HECTD4: variants seen among roughly 807,000 people sequenced by gnomAD.
HECTD4 encodes the protein probable E3 ubiquitin-protein ligase HECTD4.
Under a neutral mutation model 471.5 loss-of-function variants are expected in HECTD4, and 114 were observed. The observed-to-expected ratio is 0.24, with a 90% CI of 0.21 to 0.28. The LOEUF (loss-of-function observed/expected upper bound fraction) is 0.28, where lower values mean the gene tolerates loss of function less well. HECTD4 is among the 10% of genes least tolerant of loss of function. HECTD4 has a pLI of 1.00. For synonymous variants in HECTD4, 2,012 were observed against 2,256.0 expected, an observed-to-expected ratio of 0.89 and a Z score of 3.07; for missense variants, 3,866 against 5,651.5, an observed-to-expected ratio of 0.68 and a Z score of 10.13.
chr12:112,232,546 G>A (rs1317981050), intron 38 of HECTD4, among the ~76,000 whole-genome samples: 2 of 152,062 alleles, frequency 1.3e-5, no homozygotes, highest in East Asian at 3.8e-4. Flanking sequence ...AATCTTTCTT[G>A]ACTTGTCTGA....
intron 16 of HECTD4, among the ~76,000 whole-genome samples, 197 bp from the exon 17 acceptor site, chr12:112,264,409 C>T (rs1304679193): frequency 3.3e-5 from 5 of 152,116 alleles, no homozygotes; most frequent in Admixed American, 3.3e-4. Flanking sequence ...AACTTTCTGC[C>T]TTTTGGTACA....
intron 65 of HECTD4, 43 bp from the exon 66 acceptor site, chr12:112,175,902 G>A (rs766293327): frequency 6.2e-6 from 10 of 1,606,682 alleles, no homozygotes; most frequent in Middle Eastern, 2.1e-4. Flanking sequence ...TGAGACCTGC[G>A]CACATCGCGC....
intron 50 of HECTD4, 71 bp downstream of exon 50, chr12:112,209,944 G>A (rs777389710): frequency 2.1e-4 from 271 of 1,276,974 alleles, no homozygotes; most frequent in Non-Finnish European, 2.9e-4. Flanking sequence ...AAGTGCAATG[G>A]GTTTATGGAA....
intron 52 of HECTD4, among the ~76,000 whole-genome samples, chr12:112,207,122 GTATGTATGTA>G (rs2032613171): frequency 7.0e-6 from 1 of 142,744 alleles, no homozygotes; most frequent in Admixed American, 6.7e-5. Flanking sequence ...GTGTGTGTAT[GTATGTATGTA>G]TGTATGTATG....
rs918905625 is a variant in HECTD4 at position 112,194,426 on chromosome 12, C to G, written c.8749+459G>C. On this transcript the variant is annotated intron_variant, in intron 56 of 75. Coordinates refer to ENST00000682272, the MANE Select transcript of HECTD4 (RefSeq NM_001388303.1). This position sits in a 1 kb window ranked among gnomAD's most constrained non-coding sequence, Gnocchi z 4.6. Reference sequence around the variant, plus strand: ...ATAGTGCTGAGGGCAGACTCATCACCTGGCATTCACTGGGGATCAGACACA... The same window carrying G: ...ATAGTGCTGAGGGCAGACTCATCACGTGGCATTCACTGGGGATCAGACACA... Among the ~76,000 whole-genome samples, 4 of 152,210 alleles carry G rather than the reference C, an allele frequency of 2.6e-5. No homozygotes were observed. Among genetic ancestry groups the G allele is most frequent in the Non-Finnish European group, 4.4e-5 (3 of 68,028 alleles).
At chr12:112,167,744 G>T in intron 71 of HECTD4, 70 bp downstream of exon 71, 1 of 1,371,196 alleles carries the variant, frequency 7.3e-7, no homozygotes, top group Non-Finnish European at 1.0e-6. Context: ...GACACACACT[G>T]CCCGCCACCC....
chr12:112,325,270 TATA>T (rs1223139380), intron 1 of HECTD4, among the ~76,000 whole-genome samples: 1 of 152,220 alleles, frequency 6.6e-6, no homozygotes, highest in Non-Finnish European at 1.5e-5. Context: ...TGAGTTATAA[TATA>T]ATTAACCAAA....
At position 112,270,466 on chromosome 12, in the gene HECTD4, G is replaced by C. The variant is rs950948505; in HGVS notation, c.1943-7C>G. ...TTCGTGGTTATAGCCTCTTCTAGAA[G>C]ATGAAAAGGAAACTGAGTGAGGAAA... On this transcript the variant is annotated splice_region_variant and splice_polypyrimidine_tract_variant and intron_variant, in intron 11 of 75. Coordinates refer to ENST00000682272, the MANE Select transcript of HECTD4 (RefSeq NM_001388303.1). 25 of 1,609,684 alleles carry C rather than the reference G, an allele frequency of 1.6e-5. No individual in the cohort carries two copies. The highest frequency in any genetic ancestry group is 5.0e-5 in the Admixed American group (3 of 59,996).
chr12:112,282,141 T>C (rs982474926), intron 8 of HECTD4, among the ~76,000 whole-genome samples: 1 of 152,108 alleles, frequency 6.6e-6, no homozygotes, highest in African/African-American at 2.4e-5. Flanking sequence ...CCCAGCACTT[T>C]GGGAGGCCAA....
intron 1 of HECTD4, among the ~76,000 whole-genome samples, chr12:112,324,785 G>A (rs2035707415): frequency 1.3e-5 from 2 of 151,972 alleles, no homozygotes; most frequent in Non-Finnish European, 2.9e-5. Context: ...TTTTAACTTT[G>A]ATCATCTTCC....
rs750754319 is a variant in HECTD4, at chr12:112,163,166, C to T, written c.12996G>A (p.Lys4332=). Residue 4332 remains lysine, a synonymous_variant, in exon 75 of 76, where the codon AAG becomes AAA. Transcript: ENST00000682272. This position sits in a 1 kb window ranked among gnomAD's most constrained non-coding sequence, Gnocchi z 8.2. ...LEMFTQEELC[K]FIKFACNQER... ...CCTGGTTGCAGGCAAACTTGATGAA[C>T]TTGCACAGCTCCTCCTGGGTGAACA... The T allele has an allele frequency of 6.2e-7, 1 of 1,614,002 alleles. No individual in the cohort carries two copies. The highest frequency in any genetic ancestry group is 1.3e-5 in the African/African-American group (1 of 75,036).
intron 65 of HECTD4, among the ~76,000 whole-genome samples, 166 bp from the exon 66 acceptor site, chr12:112,176,025 C>A (rs533208046): frequency 1.3e-5 from 2 of 152,372 alleles, no homozygotes; most frequent in South Asian, 4.1e-4. Flanking sequence ...TGACCCACTG[C>A]GCACAGGATA....
At chr12:112,175,642 C>T in intron 66 of HECTD4, 94 bp downstream of exon 66, 1 of 1,405,206 alleles carries the variant, frequency 7.1e-7, no homozygotes, top group Non-Finnish European at 9.8e-7. Context: ...GCATTATCAA[C>T]AGGGGAGACG....
At position 112,175,878 on chromosome 12, in the gene HECTD4, T is replaced by C. The variant is rs768652303; in HGVS notation, c.11471-19A>G. ...TCAGGGACTGGTGGAAAGGGTTCAG[T>C]GTGAGGAATCTGGTGAGACCTGCGC... On this transcript the variant is annotated intron_variant, in intron 65 of 75. Transcript: ENST00000682272. 1 of 1,612,484 alleles carries C rather than the reference T, an allele frequency of 6.2e-7. No homozygotes were observed. Among genetic ancestry groups the C allele is most frequent in the Non-Finnish European group, 8.5e-7 (1 of 1,179,500 alleles).
intron 1 of HECTD4, among the ~76,000 whole-genome samples, chr12:112,354,061 A>G (rs981206832): frequency 1.3e-5 from 2 of 151,824 alleles, no homozygotes; most frequent in Non-Finnish European, 2.9e-5. Context: ...TAATAATAAT[A>G]GATTTTTATT....
chr12:112,380,438 C>T (rs1237537916), intron 1 of HECTD4, among the ~76,000 whole-genome samples: 1 of 151,884 alleles, frequency 6.6e-6, no homozygotes, highest in Admixed American at 6.6e-5. Flanking sequence ...GAGCAAGACT[C>T]GGTCTCGGGG....
At chr12:112,279,722 T>C (rs2034594979) in intron 8 of HECTD4, among the ~76,000 whole-genome samples, 1 of 152,172 alleles carries the variant, frequency 6.6e-6, no homozygotes. Context: ...AGAATCCTAG[T>C]ATTTGTTTGT....
At chr12:112,205,572 G>A (rs1194363343) in intron 52 of HECTD4, among the ~76,000 whole-genome samples, 1 of 152,086 alleles carries the variant, frequency 6.6e-6, no homozygotes, top group Admixed American at 6.6e-5. Context: ...GAAGAAGAAA[G>A]TGAGGGTAAC....
chr12:112,367,820 C>CA (rs59590181), intron 1 of HECTD4, among the ~76,000 whole-genome samples: 1,316 of 12,556 alleles, frequency 0.1, 400 homozygotes, highest in Non-Finnish European at 0.12. Context: ...GACTCCATCT[C>CA]AAAAAAAAAA....
Sources: gnomAD v4.1 joint callset for allele counts (sites outside exome capture counted in the v4.1 genomes callset) on GRCh38, gnomAD v4.1.1 for gene constraint, Gnocchi (gnomAD v3.1) non-coding constraint, MANE v1.5 for transcripts, NCBI Gene and HGNC (gene_info 2026-07-23, HGNC 2026-07-21) for gene names.